CCL1: variants seen among roughly 807,000 people sequenced by gnomAD.
The protein encoded by CCL1 is C-C motif chemokine ligand 1.
Under a neutral mutation model 7.5 loss-of-function variants are expected in CCL1, and 9 were observed. That is an observed-to-expected ratio of 1.20 (90% CI 0.72 to 2.09). The LOEUF (loss-of-function observed/expected upper bound fraction) is 2.09. CCL1 is among the 30% of genes most tolerant of loss of function. CCL1 has a pLI of 0.00. For missense variants in CCL1, 110 were observed against 113.7 expected (o/e 0.97, Z 0.15); for synonymous variants, 48 against 44.7 (o/e 1.07, Z -0.30).
chr17:34,361,823 G>T lies in CCL1; in HGVS notation c.150C>A (p.Tyr50Ter). ...QEIPLRAILC[Y>*]RNTSSICSNE... ...TGGAGCAGATGGAGCTGGTATTTCT[G>T]TAACACAGGATTGCCCTCAGGGGAA... Residue 50 changes from tyrosine (Y) to a stop codon, truncating the protein, a stop_gained, in exon 2 of 3, where the codon TAC (tyrosine) becomes TAA (stop). Coordinates refer to ENST00000225842, the MANE Select transcript of CCL1 (RefSeq NM_002981.2). LOFTEE classifies it low-confidence loss of function (END_TRUNC). 1 of 1,613,416 alleles carries T rather than the reference G, an allele frequency of 6.2e-7. No individual in the cohort carries two copies. Among genetic ancestry groups the T allele is most frequent in the Non-Finnish European group, 8.5e-7 (1 of 1,179,356 alleles).
Position 34,363,227 on chromosome 17 carries a change from C to T in CCL1, c.-66G>A, listed in dbSNP as rs1910555115. The stretch of plus-strand genomic sequence containing the variant: ...TGAGCCTGGTGAAGCTAAGAGCTCA[C>T]CACTGTGCCGTCCTGCAATGCTGAG... On this transcript the variant is annotated 5_prime_UTR_variant, in exon 1 of 3. It adds an upstream start codon to the 5' untranslated region. Transcript: ENST00000225842. The T allele has an allele frequency of 6.7e-7, 1 of 1,485,602 alleles. No homozygotes were observed. The allele number at this position is 1,485,602 out of a possible 1,614,324, so 92.0% of individuals were successfully genotyped here.
intron 2 of CCL1, 49 bp from the exon 3 acceptor site, chr17:34,360,710 G>A (rs377017067): frequency 6.9e-6 from 10 of 1,453,804 alleles, no homozygotes; most frequent in Non-Finnish European, 9.6e-6. Context: ...AGCCACCACT[G>A]GGTGGGCAAC....
intron 1 of CCL1, 28 bp from the exon 2 acceptor site, chr17:34,361,924 G>A (rs1314665389): frequency 2.0e-6 from 3 of 1,481,310 alleles, no homozygotes; most frequent in African/African-American, 1.4e-5. Context: ...ACGATGGTTT[G>A]CATCCATTTC....
At position 34,363,080 on chromosome 17, in the gene CCL1, A is replaced by G; in HGVS notation, c.76+6T>C. On this transcript the variant is annotated splice_donor_region_variant and intron_variant, in intron 1 of 2. Coordinates refer to ENST00000225842, the MANE Select transcript of CCL1 (RefSeq NM_002981.2). ...AGAGAAGCAAAATGATGCCTGCCAC[A>G]CTCACTGCTCTTGCTGTCCACATCT... is the stretch of plus-strand genomic sequence containing the variant. The G allele has an allele frequency of 6.2e-7, 1 of 1,611,842 alleles. No individual in the cohort carries two copies. The highest frequency in any genetic ancestry group is 8.5e-7 in the Non-Finnish European group (1 of 1,179,922).
chr17:34,362,902 C>A (rs1358278273), intron 1 of CCL1, among the ~76,000 whole-genome samples, 184 bp downstream of exon 1: 1 of 152,082 alleles, frequency 6.6e-6, no homozygotes, highest in Non-Finnish European at 1.5e-5. Flanking sequence ...TGTGTTTGCC[C>A]CAACTCATGG....
intron 1 of CCL1, among the ~76,000 whole-genome samples, chr17:34,362,304 C>G (rs374064467): frequency 1.1e-4 from 16 of 152,334 alleles, no homozygotes; most frequent in African/African-American, 3.8e-4. Context: ...CCTGGTTAGT[C>G]TGATGCAGGA....
Position 34,360,467 on chromosome 17 carries a change from A to C in CCL1, c.*92T>G. The C allele has an allele frequency of 1.0e-6, 1 of 973,738 alleles. No homozygotes were observed. The highest frequency in any genetic ancestry group is 1.3e-5 in the South Asian group (1 of 77,136). The allele number at this position is 973,738 out of a possible 1,614,324, so 60.3% of individuals were successfully genotyped here. ...CAAGCAGATCCTCTGTGACCTAGCA[A>C]AAGCAGGGCAGAAGGAATGGTGTAG... On this transcript the variant is annotated 3_prime_UTR_variant, in exon 3 of 3. Transcript: ENST00000225842.
chr17:34,360,711 G>T, intron 2 of CCL1, 50 bp from the exon 3 acceptor site: 2 of 1,425,354 alleles, frequency 1.4e-6, no homozygotes, highest in Non-Finnish European at 2.0e-6. Context: ...GCCACCACTG[G>T]GTGGGCAACG....
intron 2 of CCL1, among the ~76,000 whole-genome samples, chr17:34,361,501 C>T (rs1406902864): frequency 6.6e-6 from 1 of 152,218 alleles, no homozygotes; most frequent in Admixed American, 6.5e-5. Flanking sequence ...ACCCCTCATG[C>T]TTTTGTTAAA....
intron 1 of CCL1, among the ~76,000 whole-genome samples, chr17:34,362,616 C>A (rs1011247999): frequency 6.6e-6 from 1 of 152,136 alleles, no homozygotes; most frequent in South Asian, 2.1e-4. Context: ...TTGGTATTCT[C>A]CAAACAGTCT....
intron 2 of CCL1, among the ~76,000 whole-genome samples, chr17:34,361,108 G>A (rs185809127): frequency 7.1e-4 from 108 of 152,078 alleles, no homozygotes; most frequent in Admixed American, 1.8e-3. Flanking sequence ...CTTCTGATCT[G>A]TCTACTTCCT....
intron 2 of CCL1, among the ~76,000 whole-genome samples, chr17:34,361,037 A>G (rs1000626190): frequency 6.6e-6 from 1 of 150,478 alleles, no homozygotes; most frequent in African/African-American, 2.5e-5. Context: ...CGTTGGACTC[A>G]TGTGTTTGTG....
chr17:34,361,253 A>C (rs1449436963), intron 2 of CCL1, among the ~76,000 whole-genome samples: 1 of 152,198 alleles, frequency 6.6e-6, no homozygotes, highest in Admixed American at 6.5e-5. Context: ...ATCGACAGAG[A>C]GAATATACAT....
intron 2 of CCL1, among the ~76,000 whole-genome samples, chr17:34,361,358 A>T (rs972659854): frequency 2.0e-5 from 3 of 152,238 alleles, no homozygotes; most frequent in Non-Finnish European, 2.9e-5. Context: ...CCCTTCACAG[A>T]TAAGGAATAC....
chr17:34,361,772 G>GA lies in CCL1; in HGVS notation c.188+12_188+13insT. On this transcript the variant is annotated intron_variant, in intron 2 of 2. Transcript: ENST00000225842. ...CTGTTCTCTAGGGAGAGATTGAGCA[G>GA]GTGATCACTTACATTAAGCCCTCAT... is the stretch of plus-strand genomic sequence containing the variant. The GA allele has an allele frequency of 6.6e-7, 1 of 1,521,924 alleles. No homozygotes were observed. Among genetic ancestry groups the GA allele is most frequent in the Non-Finnish European group, 9.1e-7 (1 of 1,096,410 alleles). The allele number at this position is 1,521,924 out of a possible 1,614,324, so 94.3% of individuals were successfully genotyped here.
intron 2 of CCL1, among the ~76,000 whole-genome samples, chr17:34,361,147 C>A (rs1910496466): frequency 6.6e-6 from 1 of 152,000 alleles, no homozygotes; most frequent in South Asian, 2.1e-4. Flanking sequence ...ATCTATAGAC[C>A]AACTCTATCT....
chr17:34,361,746 T>C, intron 2 of CCL1, 39 bp downstream of exon 2: 1 of 1,318,030 alleles, frequency 7.6e-7, no homozygotes, highest in Non-Finnish European at 1.1e-6. Flanking sequence ...CTGGCGGGGT[T>C]CTGTTCTCTA....
At position 34,363,076 on chromosome 17, in the gene CCL1, C is replaced by T. The variant is rs1000680953; in HGVS notation, c.76+10G>A. 1.3e-5 allele frequency: 21 copies of T among 1,611,260 alleles called. No homozygotes were observed. The highest frequency in any genetic ancestry group is 1.5e-5 in the Non-Finnish European group (18 of 1,179,818). ...CCAGAGAGAAGCAAAATGATGCCTG[C>T]CACACTCACTGCTCTTGCTGTCCAC... On this transcript the variant is annotated intron_variant, in intron 1 of 2. Coordinates refer to ENST00000225842, the MANE Select transcript of CCL1 (RefSeq NM_002981.2).
intron 1 of CCL1, among the ~76,000 whole-genome samples, chr17:34,362,603 A>G (rs1910534763): frequency 6.6e-6 from 1 of 152,046 alleles, no homozygotes; most frequent in Admixed American, 6.5e-5. Flanking sequence ...GCCTCTTACT[A>G]GGTTGGTATT....
Sources: gnomAD v4.1 joint callset for allele counts (sites outside exome capture counted in the v4.1 genomes callset) on GRCh38, gnomAD v4.1.1 for gene constraint, MANE v1.5 for transcripts, NCBI Gene and HGNC (gene_info 2026-07-23, HGNC 2026-07-21) for gene names.